COL3A1: variants seen among roughly 807,000 people sequenced by gnomAD.
COL3A1 encodes the protein collagen alpha-1(III) chain.
A neutral mutation model predicts 200.9 loss-of-function variants in COL3A1; 46 were observed. That is an observed-to-expected ratio of 0.23 (90% CI 0.18 to 0.29). COL3A1 has a LOEUF of 0.29. COL3A1 is among the 10% of genes least tolerant of loss of function. COL3A1 has a pLI of 1.00. For missense variants in COL3A1, 1,367 were observed against 1,917.6 expected (o/e 0.71, Z 5.36); for synonymous variants, 650 against 628.0 (o/e 1.03, Z -0.52).
At chr2:189,006,806 A>G (rs1395724864) in intron 43 of COL3A1, 131 bp from the exon 44 acceptor site, 2 of 996,348 alleles carry the variant, frequency 2.0e-6, no homozygotes, top group Non-Finnish European at 3.1e-6. Flanking sequence ...CAAAAACAAT[A>G]TTAACTTCCA....
intron 2 of COL3A1, 45 bp downstream of exon 2, chr2:188,985,007 A>G: frequency 6.4e-7 from 1 of 1,567,086 alleles, no homozygotes; most frequent in Non-Finnish European, 8.8e-7. Flanking sequence ...TCATATTTAG[A>G]CACATGAATA....
At chr2:189,001,840 C>G (rs1688471103) in intron 34 of COL3A1, among the ~76,000 whole-genome samples, 1 of 152,110 alleles carries the variant, frequency 6.6e-6, no homozygotes, top group Admixed American at 6.5e-5. Context: ...ATGAATTGCA[C>G]AAGTAGTACA....
At chr2:188,983,270 G>A (rs192433230) in intron 1 of COL3A1, among the ~76,000 whole-genome samples, 10 of 151,996 alleles carry the variant, frequency 6.6e-5, no homozygotes, top group Non-Finnish European at 1.3e-4. Context: ...TTCGTTAGCT[G>A]TAAACTACAT....
Position 188,997,360 on chromosome 2 carries a change from A to G in COL3A1, c.1840A>G (p.Thr614Ala), listed in dbSNP as rs1312003103. 6.2e-7 allele frequency: 1 copy of G among 1,613,804 alleles called. No homozygotes were observed. The highest frequency in any genetic ancestry group is 8.5e-7 in the Non-Finnish European group (1 of 1,179,858). The change falls in exon 26 of 51, where the codon ACT (threonine) becomes GCT (alanine). Residue 614 changes from threonine (T) to alanine (A), a missense_variant. This residue lies in a region of COL3A1 where 846 missense variants were observed against 1,147.9 expected (regional missense o/e 0.74). Coordinates refer to ENST00000304636, the MANE Select transcript of COL3A1 (RefSeq NM_000090.4). Reference protein sequence around the residue: ...PQGPPGKNGETGPQGPPGPTG... With the variant: ...PQGPPGKNGEAGPQGPPGPTG... ...GGGTCCTCCTGGAAAGAATGGTGAA[A>G]CTGGACCTCAGGGACCCCCAGGGCC...
At chr2:189,001,334 T>A in intron 32 of COL3A1, 63 bp from the exon 33 acceptor site, 1 of 1,503,548 alleles carries the variant, frequency 6.7e-7, no homozygotes, top group South Asian at 1.1e-5. Flanking sequence ...TACTTTCTGT[T>A]TGATTAATGC....
rs1060500201 is a variant in COL3A1 at position 189,010,280 on chromosome 2, A to G, written c.3926A>G (p.Asn1309Ser). 1.2e-5 allele frequency: 20 copies of G among 1,614,224 alleles called. No homozygotes were observed. Among genetic ancestry groups the G allele is most frequent in the East Asian group, 2.2e-5 (1 of 44,878 alleles). Residue 1309 changes from asparagine to serine, a missense_variant, in exon 49 of 51, where the codon AAT (asparagine) becomes AGT (serine). By Grantham distance (46) the Asn-to-Ser change is conservative (BLOSUM62 1). Coordinates refer to ENST00000304636, the MANE Select transcript of COL3A1 (RefSeq NM_000090.4). ...ACATGCATAAGTGCCAATCCTTTGA[A>G]TGTTCCACGGAAACACTGGTGGACA... ...GETCISANPL[N>S]VPRKHWWTDS...
chr2:188,984,752 T>C lies in COL3A1; in HGVS notation c.80-8T>C, dbSNP rs1241543816. Reference sequence around the variant, plus strand: ...AGGAAACTTCACGTCATCTAACTTGTTTTTCAGCTGTTGAAGGAGGATGTT... The same window carrying C: ...AGGAAACTTCACGTCATCTAACTTGCTTTTCAGCTGTTGAAGGAGGATGTT... On this transcript the variant is annotated splice_polypyrimidine_tract_variant and splice_region_variant and intron_variant, in intron 1 of 50. Coordinates refer to ENST00000304636, the MANE Select transcript of COL3A1 (RefSeq NM_000090.4). 16 of 1,612,480 alleles carry C rather than the reference T, an allele frequency of 9.9e-6. No individual in the cohort carries two copies. Among genetic ancestry groups the C allele is most frequent in the Admixed American group, 3.3e-5 (2 of 59,846 alleles).
At position 188,992,063 on chromosome 2, in the gene COL3A1, A is replaced by C. The variant is rs1035448077; in HGVS notation, c.952-121A>C. 2.2e-5 allele frequency: 20 copies of C among 899,138 alleles called. No homozygotes were observed. The African/African-American group carries it at 3.3e-4, about 15-fold the overall frequency. 55.7% of individuals were successfully genotyped at this position (899,138 alleles called of 1,614,324 possible). ...TTGACTTTAAAATACATAATTATTAAGCAGATTTTAATGTACTTGAAGAAA... is the reference window on the plus strand; with the variant it reads ...TTGACTTTAAAATACATAATTATTACGCAGATTTTAATGTACTTGAAGAAA... On this transcript the variant is annotated intron_variant, in intron 13 of 50. Coordinates refer to ENST00000304636, the MANE Select transcript of COL3A1 (RefSeq NM_000090.4).
chr2:188,982,869 G>A lies in COL3A1; in HGVS notation c.80-1891G>A, dbSNP rs187220475. On this transcript the variant is annotated intron_variant, in intron 1 of 50. Transcript: ENST00000304636. ...CACAATCTTCCAAACCCAAATTTTC[G>A]GACCTTTTCTGCAGACTGGTGAACT... 3.4e-4 allele frequency among the ~76,000 whole-genome samples: 51 copies of A among 151,836 alleles called. No individual in the cohort carries two copies. In the East Asian group the frequency reaches 8.5e-3, roughly 25 times the overall value.
Position 189,003,477 on chromosome 2 carries a change from C to G in COL3A1, c.2607+13C>G. 1 of 1,611,098 alleles carries G rather than the reference C, an allele frequency of 6.2e-7. No individual in the cohort carries two copies. Among genetic ancestry groups the G allele is most frequent in the East Asian group, 2.2e-5 (1 of 44,844 alleles). ...TCCTGGTGGACCTGTAAGTATTGAT[C>G]CTCTTAACTATTATTGAAAAGCATT... On this transcript the variant is annotated intron_variant, in intron 37 of 50. Coordinates refer to ENST00000304636, the MANE Select transcript of COL3A1 (RefSeq NM_000090.4).
intron 22 of COL3A1, 81 bp downstream of exon 22, chr2:188,995,871 C>T: frequency 8.1e-7 from 1 of 1,233,444 alleles, no homozygotes. Flanking sequence ...TCAAAAGCAA[C>T]TTAAATCAAT....
intron 8 of COL3A1, among the ~76,000 whole-genome samples, chr2:188,989,760 T>G (rs1168205974): frequency 6.6e-6 from 1 of 152,152 alleles, no homozygotes; most frequent in Non-Finnish European, 1.5e-5. Flanking sequence ...AATGATGAAA[T>G]TGATACCACT....
chr2:189,010,645 C>T lies in COL3A1; in HGVS notation c.4012-3C>T. On this transcript the variant is annotated splice_polypyrimidine_tract_variant and splice_region_variant and intron_variant, in intron 49 of 50. Coordinates refer to ENST00000304636, the MANE Select transcript of COL3A1 (RefSeq NM_000090.4). ...GATCTGTTTTATTTGTTCCCTATTA[C>T]AGTTTAGCTACGGCAATCCTGAACT... is the stretch of plus-strand genomic sequence containing the variant. 1 of 1,614,150 alleles carries T rather than the reference C, an allele frequency of 6.2e-7. No homozygotes were observed. Among genetic ancestry groups the T allele is most frequent in the Non-Finnish European group, 8.5e-7 (1 of 1,179,988 alleles).
intron 49 of COL3A1, 60 bp downstream of exon 49, chr2:189,010,425 A>T: frequency 6.3e-7 from 1 of 1,591,486 alleles, no homozygotes; most frequent in Non-Finnish European, 8.6e-7. Context: ...TATTCTTCCT[A>T]TATGTTCATC....
chr2:188,999,268 A>C lies in COL3A1; in HGVS notation c.2023-17A>C. 3 of 1,554,122 alleles carry C rather than the reference A, an allele frequency of 1.9e-6. No individual in the cohort carries two copies. The highest frequency in any genetic ancestry group is 2.6e-6 in the Non-Finnish European group (3 of 1,147,306). On this transcript the variant is annotated splice_polypyrimidine_tract_variant and intron_variant, in intron 29 of 50. Transcript: ENST00000304636. ...TTTGGGTTGTCTAATATGGTTATTT[A>C]CATATTTTTGTCACAGGGTGATGCT...
At position 189,008,648 on chromosome 2, in the gene COL3A1, C is replaced by T. The variant is rs544942296; in HGVS notation, c.3526-276C>T. ...ATTGTAGCTCACAGGTGTTTGCTTA[C>T]ATCAGTCATCCAGAAGGAAGAATGA... is the stretch of plus-strand genomic sequence containing the variant. On this transcript the variant is annotated intron_variant, in intron 47 of 50. Coordinates refer to ENST00000304636, the MANE Select transcript of COL3A1 (RefSeq NM_000090.4). The T allele has an allele frequency of 7.4e-4, 393 of 530,392 alleles. 1 individual carries two copies. Among genetic ancestry groups the T allele is most frequent in the Middle Eastern group, 2.1e-3 (4 of 1,948 alleles). The allele number at this position is 530,392 out of a possible 1,614,324, so 32.9% of individuals were successfully genotyped here. A position where few individuals can be genotyped will look rare whatever the true frequency, so the allele number is the denominator to read the frequency against.
intron 22 of COL3A1, 129 bp from the exon 23 acceptor site, chr2:188,995,996 C>G (rs1460174875): frequency 2.4e-5 from 24 of 997,166 alleles, no homozygotes; most frequent in Non-Finnish European, 3.6e-5. Context: ...ACTTTATAGA[C>G]AGGAAAAAAG....
intron 26 of COL3A1, 144 bp from the exon 27 acceptor site, chr2:188,997,556 G>C (rs1688357215): frequency 1.8e-6 from 2 of 1,105,160 alleles, no homozygotes; most frequent in Non-Finnish European, 2.7e-6. Context: ...TGAGTTTAGA[G>C]TGTACATGTG....
rs1688516748 is a variant in COL3A1, at chr2:189,003,476, T to A, written c.2607+12T>A. The A allele has an allele frequency of 6.2e-7, 1 of 1,611,788 alleles. No individual in the cohort carries two copies. Among genetic ancestry groups the A allele is most frequent in the African/African-American group, 1.3e-5 (1 of 74,856 alleles). On this transcript the variant is annotated intron_variant, in intron 37 of 50. Coordinates refer to ENST00000304636, the MANE Select transcript of COL3A1 (RefSeq NM_000090.4). ...GTCCTGGTGGACCTGTAAGTATTGA[T>A]CCTCTTAACTATTATTGAAAAGCAT...
Sources: allele counts gnomAD v4.1 joint callset (sites outside exome capture counted in the v4.1 genomes callset), GRCh38; gene constraint gnomAD v4.1.1; regional missense constraint gnomAD v4.1.1; transcripts MANE v1.5; gene names NCBI Gene and HGNC (gene_info 2026-07-23, HGNC 2026-07-21).